The following TNFRSF25 variants were observed in gnomAD, a reference collection of about 807,000 sequenced individuals.
TNFRSF25 encodes the protein tumor necrosis factor receptor superfamily member 25.
Under a neutral mutation model 49.4 loss-of-function variants are expected in TNFRSF25, and 28 were observed. That is an observed-to-expected ratio of 0.57 (90% CI 0.42 to 0.78). The LOEUF (loss-of-function observed/expected upper bound fraction) is 0.78. TNFRSF25 is among the 30% of genes least tolerant of loss of function. The probability of loss-of-function intolerance (pLI) is 0.00; values close to 1 mark genes in which losing one functional copy is unlikely to be tolerated. For synonymous variants in TNFRSF25, 240 were observed against 234.2 expected, an observed-to-expected ratio of 1.02 and a Z score of -0.23; for missense variants, 531 against 581.6, an observed-to-expected ratio of 0.91 and a Z score of 0.90.
chr1:6,462,238 C>T lies in TNFRSF25; in HGVS notation c.745-64G>A, dbSNP rs1644197905. On this transcript the variant is annotated intron_variant, in intron 8 of 9. Transcript: ENST00000356876. This position sits in a 1 kb window ranked among gnomAD's most constrained non-coding sequence, Gnocchi z 4.2. ...CAAGTAAGGCCCCTTACCCGCAGTG[C>T]CTCTCCAGGAGGGGACAGTCCCTGG... 1 of 1,534,792 alleles carries T rather than the reference C, an allele frequency of 6.5e-7. No homozygotes were observed. The highest frequency in any genetic ancestry group is 1.4e-5 in the African/African-American group (1 of 72,556).
In TNFRSF25 at chr1:6,460,887, T is replaced by C. The variant is rs1644151563; in HGVS notation, c.*547A>G. ...CAACTGCTGCACCCCATCCCGACCC[T>C]GTCTCCGCCACCTCGCAGCCCCATT... is the stretch of plus-strand genomic sequence containing the variant. On this transcript the variant is annotated 3_prime_UTR_variant, in exon 10 of 10. Coordinates refer to ENST00000356876, the MANE Select transcript of TNFRSF25 (RefSeq NM_003790.3). 1 of 334,908 alleles carries C rather than the reference T, an allele frequency of 3.0e-6. No homozygotes were observed. Among genetic ancestry groups the C allele is most frequent in the African/African-American group, 2.2e-5 (1 of 45,698 alleles). 20.7% of individuals were successfully genotyped at this position (334,908 alleles called of 1,614,324 possible).
At position 6,462,232 on chromosome 1, in the gene TNFRSF25, G is replaced by A. The variant is rs889251515; in HGVS notation, c.745-58C>T. On this transcript the variant is annotated intron_variant, in intron 8 of 9. Coordinates refer to ENST00000356876, the MANE Select transcript of TNFRSF25 (RefSeq NM_003790.3). The surrounding 1 kb of genome is among the most constrained non-coding windows in gnomAD (Gnocchi z 4.2). ...GCTTGCCAAGTAAGGCCCCTTACCC[G>A]CAGTGCCTCTCCAGGAGGGGACAGT... 11 of 1,539,654 alleles carry A rather than the reference G, an allele frequency of 7.1e-6. No homozygotes were observed. The highest frequency in any genetic ancestry group is 8.7e-6 in the Non-Finnish European group (10 of 1,143,488).
At chr1:6,465,678 C>T in intron 1 of TNFRSF25, 118 bp from the exon 2 acceptor site, 3 of 1,474,104 alleles carry the variant, frequency 2.0e-6, no homozygotes, top group East Asian at 2.5e-5. Context: ...ACTTCCCAGG[C>T]CCCGGGCAGA....
In TNFRSF25 at chr1:6,465,430, G is replaced by C; in HGVS notation, c.160+10C>G. ...TGCCCCATGCCTCTCCCACCCCTGT[G>C]GCCACTTACCCGCTGGGCAGCCTCT... On this transcript the variant is annotated intron_variant, in intron 2 of 9. Transcript: ENST00000356876. 6.2e-7 allele frequency: 1 copy of C among 1,613,886 alleles called. No homozygotes were observed. Among genetic ancestry groups the C allele is most frequent in the Non-Finnish European group, 8.5e-7 (1 of 1,179,984 alleles).
intron 3 of TNFRSF25, 80 bp downstream of exon 3, chr1:6,465,008 A>G: frequency 6.4e-7 from 1 of 1,550,682 alleles, no homozygotes; most frequent in Admixed American, 1.9e-5. Flanking sequence ...TCACACCCCA[A>G]GTTTGGGCCC....
Position 6,462,918 on chromosome 1 carries a change from C to A in TNFRSF25, c.651G>T (p.Gly217=). ...LAGLVVPLLL[G]ATLTYTYRHC... ...GGCGGTATGTGTAGGTCAGGGTGGC[C>A]CCAAGCAGGAGGGGGACCACAAGGC... The change falls in exon 7 of 10, where the codon GGG becomes GGT. Residue 217 remains glycine, a synonymous_variant. Coordinates refer to ENST00000356876, the MANE Select transcript of TNFRSF25 (RefSeq NM_003790.3). This position sits in a 1 kb window ranked among gnomAD's most constrained non-coding sequence, Gnocchi z 4.2. 6.2e-7 allele frequency: 1 copy of A among 1,606,180 alleles called. No individual in the cohort carries two copies. The highest frequency in any genetic ancestry group is 8.5e-7 in the Non-Finnish European group (1 of 1,176,432).
chr1:6,464,145 A>T, intron 5 of TNFRSF25: 7 of 1,397,082 alleles, frequency 5.0e-6, no homozygotes, highest in Non-Finnish European at 5.6e-6. Flanking sequence ...GCTGGGGGGA[A>T]TGCTGGCTGA....
In TNFRSF25 at chr1:6,461,297, T is replaced by TGGGGCCGGCTGGTGCTGCTACGC; in HGVS notation, c.*114_*136dup. The TGGGGCCGGCTGGTGCTGCTACGC allele has an allele frequency of 1.8e-6, 2 of 1,120,944 alleles. No homozygotes were observed. The highest frequency in any genetic ancestry group is 1.3e-6 in the Non-Finnish European group (1 of 758,630). 69.4% of individuals were successfully genotyped at this position (1,120,944 alleles called of 1,614,324 possible). A position where few individuals can be genotyped will look rare whatever the true frequency, so the allele number is the denominator to read the frequency against. ...CTGGAGCGATAGGGGCGAGCAGGGGTGGGGCCGGCTGGTGCTGCTACGCAG... is the reference window on the plus strand; with the variant it reads ...CTGGAGCGATAGGGGCGAGCAGGGGTGGGGCCGGCTGGTGCTGCTACGCGGGGCCGGCTGGTGCTGCTACGCAG... On this transcript the variant is annotated 3_prime_UTR_variant, in exon 10 of 10. Coordinates refer to ENST00000356876, the MANE Select transcript of TNFRSF25 (RefSeq NM_003790.3). The surrounding 1 kb of genome is among the most constrained non-coding windows in gnomAD (Gnocchi z 6.3).
In TNFRSF25 at chr1:6,462,046, C is replaced by T. The variant is rs781439407; in HGVS notation, c.873G>A (p.Ala291=). 16 of 1,613,364 alleles carry T rather than the reference C, an allele frequency of 9.9e-6. No homozygotes were observed. The highest frequency in any genetic ancestry group is 6.7e-5 in the East Asian group (3 of 44,892). ...WTPGYPETQE[A]LCPQVTWSWD... The stretch of plus-strand genomic sequence containing the variant: ...AGGACCATGTCACCTGCGGGCAGAG[C>T]GCCTCCTGGGTCTCGGGGTAGCCAG... Residue 291 remains alanine, a synonymous_variant, in exon 9 of 10, where the codon GCG becomes GCA. Transcript: ENST00000356876. The surrounding 1 kb of genome is among the most constrained non-coding windows in gnomAD (Gnocchi z 4.2).
At position 6,465,559 on chromosome 1, in the gene TNFRSF25, G is replaced by A. The variant is rs116290124; in HGVS notation, c.41C>T (p.Ala14Val). The A allele has an allele frequency of 8.5e-5, 137 of 1,612,294 alleles. No homozygotes were observed. In the African/African-American group the frequency reaches 1.1e-3, roughly 13 times the overall value. The part of the protein sequence containing the change: ...RPRGCAAVAA[A>V]LLLVLLGARA... ...GGCCCCCAGCAGCACCAGGAGGAGC[G>A]CCTGGGGGACAGGTGCTGCTGACTC... Residue 14 changes from alanine (A) to valine (V), a missense_variant and splice_region_variant, in exon 2 of 10, where the codon GCG becomes GTG. Physicochemically the swap from Ala to Val is moderately conservative, Grantham distance 64. Coordinates refer to ENST00000356876, the MANE Select transcript of TNFRSF25 (RefSeq NM_003790.3).
Position 6,464,366 on chromosome 1 carries a change from A to G in TNFRSF25, c.542+9T>C, listed in dbSNP as rs1237787439. 1 of 1,603,592 alleles carries G rather than the reference A, an allele frequency of 6.2e-7. No individual in the cohort carries two copies. The highest frequency in any genetic ancestry group is 8.5e-7 in the Non-Finnish European group (1 of 1,175,466). Reference sequence around the variant, plus strand: ...CCCTTCCCTCCATCCCACGACAGCTAGGAATTACGTGGGGCAGGACACGCA... The same window carrying G: ...CCCTTCCCTCCATCCCACGACAGCTGGGAATTACGTGGGGCAGGACACGCA... On this transcript the variant is annotated intron_variant, in intron 5 of 9. Coordinates refer to ENST00000356876, the MANE Select transcript of TNFRSF25 (RefSeq NM_003790.3).
At position 6,464,398 on chromosome 1, in the gene TNFRSF25, G is replaced by T. The variant is rs141278540; in HGVS notation, c.519C>A (p.Gly173=). ...ACGTGGGGCAGGACACGCAGCCATC[G>T]CCATGTTCATAGAAGCCAGGCAGGC... ...GTCLPGFYEH[G]DGCVSCPTST... is the part of the protein sequence containing the mutation. The change falls in exon 5 of 10, where the codon GGC becomes GGA. Residue 173 remains glycine, a synonymous_variant. Coordinates refer to ENST00000356876, the MANE Select transcript of TNFRSF25 (RefSeq NM_003790.3). The T allele has an allele frequency of 5.6e-6, 9 of 1,610,982 alleles. No homozygotes were observed. Among genetic ancestry groups the T allele is most frequent in the Non-Finnish European group, 6.8e-6 (8 of 1,178,958 alleles).
Position 6,461,213 on chromosome 1 carries a change from G to T in TNFRSF25, c.*221C>A, listed in dbSNP as rs1486654496. ...CCGCGATCTCAGCCAAACTCCGGCC[G>T]AGAAGTTGAGAAATGTCTTCACCCC... On this transcript the variant is annotated 3_prime_UTR_variant, in exon 10 of 10. Transcript: ENST00000356876. The surrounding 1 kb of genome is among the most constrained non-coding windows in gnomAD (Gnocchi z 6.3). 1.4e-6 allele frequency: 1 copy of T among 729,180 alleles called. No individual in the cohort carries two copies. The allele number at this position is 729,180 out of a possible 1,614,324, so 45.2% of individuals were successfully genotyped here.
At position 6,465,117 on chromosome 1, in the gene TNFRSF25, C is replaced by T. The variant is rs1490479456; in HGVS notation, c.266G>A (p.Cys89Tyr). 1.2e-6 allele frequency: 2 copies of T among 1,614,022 alleles called. No individual in the cohort carries two copies. Among genetic ancestry groups the T allele is most frequent in the South Asian group, 1.1e-5 (1 of 91,084 alleles). Residue 89 changes from cysteine (C) to tyrosine (Y), a missense_variant, in exon 3 of 10, where the codon TGT (cysteine) becomes TAT (tyrosine). By Grantham distance (194) the Cys-to-Tyr change is radical. Coordinates refer to ENST00000356876, the MANE Select transcript of TNFRSF25 (RefSeq NM_003790.3). ...CTCATCACAGGCCTGGCAGCGGGCACATTCAGAATTATGGTGGTTCTCCCA... is the reference window on the plus strand; with the variant it reads ...CTCATCACAGGCCTGGCAGCGGGCATATTCAGAATTATGGTGGTTCTCCCA... ...LAWENHHNSE[C>Y]ARCQACDEQA...
chr1:6,462,248 A>C lies in TNFRSF25; in HGVS notation c.745-74T>G. The C allele has an allele frequency of 6.6e-7, 1 of 1,519,416 alleles. No individual in the cohort carries two copies. The highest frequency in any genetic ancestry group is 8.8e-7 in the Non-Finnish European group (1 of 1,131,574). The allele number at this position is 1,519,416 out of a possible 1,614,324, so 94.1% of individuals were successfully genotyped here. ...CCCTTACCCGCAGTGCCTCTCCAGG[A>C]GGGGACAGTCCCTGGTTCAGTCAGC... On this transcript the variant is annotated intron_variant, in intron 8 of 9. Coordinates refer to ENST00000356876, the MANE Select transcript of TNFRSF25 (RefSeq NM_003790.3). This position sits in a 1 kb window ranked among gnomAD's most constrained non-coding sequence, Gnocchi z 4.2.
At chr1:6,463,163 G>T in intron 5 of TNFRSF25, 36 bp from the exon 6 acceptor site, 5 of 1,547,014 alleles carry the variant, frequency 3.2e-6, no homozygotes, top group Non-Finnish European at 4.4e-6. Flanking sequence ...GGATGAGGGG[G>T]TGCATGCCAG....
Position 6,465,526 on chromosome 1 carries a change from T to TGGGCCC in TNFRSF25, c.68_73dup (p.Arg23_Ala24dup). On this transcript the variant is annotated inframe_insertion, in exon 2 of 10. Coordinates refer to ENST00000356876, the MANE Select transcript of TNFRSF25 (RefSeq NM_003790.3). ...ACACCTGGGGCTACGAGTGCCGCCC[T>TGGGCCC]GGGCCCGGGCCCCCAGCAGCACCAG... The TGGGCCC allele has an allele frequency of 6.2e-7, 1 of 1,613,514 alleles. No homozygotes were observed. Among genetic ancestry groups the TGGGCCC allele is most frequent in the East Asian group, 2.2e-5 (1 of 44,868 alleles).
At position 6,465,157 on chromosome 1, in the gene TNFRSF25, C is replaced by A. The variant is rs1455965612; in HGVS notation, c.226G>T (p.Asp76Tyr). ...TGGTTCTCCCAGGCCAAGAAGGTGT[C>A]TTGGGGACACACAAGGCAGGTGGAG... ...GNSTCLVCPQDTFLAWENHHN... is the reference protein window; with the variant it reads ...GNSTCLVCPQYTFLAWENHHN... The change falls in exon 3 of 10, where the codon GAC becomes TAC. Residue 76 changes from aspartate to tyrosine, a missense_variant. Asp to Tyr is a radical substitution (Grantham distance 160). Coordinates refer to ENST00000356876, the MANE Select transcript of TNFRSF25 (RefSeq NM_003790.3). 1.1e-5 allele frequency: 18 copies of A among 1,613,952 alleles called. No individual in the cohort carries two copies. Among genetic ancestry groups the A allele is most frequent in the Non-Finnish European group, 1.5e-5 (18 of 1,180,000 alleles).
intron 1 of TNFRSF25, 41 bp downstream of exon 1, chr1:6,466,028 A>T: frequency 6.4e-7 from 1 of 1,562,358 alleles, no homozygotes; most frequent in Non-Finnish European, 8.7e-7. Context: ...CTCTTGGGAC[A>T]GGGCTCAAAG....
Sources: allele counts gnomAD v4.1 joint callset, GRCh38; gene constraint gnomAD v4.1.1; non-coding constraint Gnocchi (gnomAD v3.1); transcripts MANE v1.5; gene names NCBI Gene and HGNC (gene_info 2026-07-23, HGNC 2026-07-21).